Variants in NLRP4 observed in about 807,000 individuals in gnomAD.
The protein encoded by NLRP4 is NACHT, LRR and PYD domains-containing protein 4.
In NLRP4, 44 loss-of-function variants were observed where a neutral mutation model predicts 84.7. The ratio of observed to expected loss-of-function variants is 0.52; its 90% CI spans 0.41 to 0.67. NLRP4 has a LOEUF of 0.67. Ranked by LOEUF, NLRP4 falls within the 30% of genes least tolerant of loss-of-function variation. The pLI, the probability that NLRP4 is intolerant of heterozygous loss-of-function variation, is 0.00. For missense variants in NLRP4, 1,260 were observed against 1,219.4 expected (o/e 1.03, Z -0.50); for synonymous variants, 544 against 476.4 (o/e 1.14, Z -1.85).
rs373685132 is a variant in NLRP4 at position 55,867,821 on chromosome 19, G to A, written c.2299G>A (p.Val767Met). ...ATCCTGCAACCAGTTAGACACAGGC[G>A]TGCCCCTTTTGTGTGAAGCCCTGTG... The part of the protein sequence containing the change: ...NVSCNQLDTG[V>M]PLLCEALCSP... The change falls in exon 6 of 10, where the codon GTG becomes ATG. Residue 767 changes from valine to methionine, a missense_variant. This residue lies in a region of NLRP4 where 544 missense variants were observed against 531.7 expected (regional missense o/e 1.02). Transcript: ENST00000301295. 6.8e-6 allele frequency: 11 copies of A among 1,614,162 alleles called. No individual in the cohort carries two copies. The highest frequency in any genetic ancestry group is 2.2e-5 in the East Asian group (1 of 44,892).
chr19:55,857,869 T>C lies in NLRP4; in HGVS notation c.476T>C (p.Ile159Thr). 6.2e-7 allele frequency: 1 copy of C among 1,614,072 alleles called. No homozygotes were observed. The highest frequency in any genetic ancestry group is 1.3e-5 in the African/African-American group (1 of 75,018). Residue 159 changes from isoleucine (I) to threonine (T), a missense_variant, in exon 3 of 10, where the codon ATT (isoleucine) becomes ACT (threonine). By Grantham distance (89) the Ile-to-Thr change is moderately conservative. Transcript: ENST00000301295. ...GTGATCATTCAAGGACCACAAGGAATTGGAAAAACGACACTCCTGATGAAG... is the reference window on the plus strand; with the variant it reads ...GTGATCATTCAAGGACCACAAGGAACTGGAAAAACGACACTCCTGATGAAG... ...RTVIIQGPQG[I>T]GKTTLLMKLM...
intron 6 of NLRP4, among the ~76,000 whole-genome samples, 162 bp downstream of exon 6, chr19:55,868,038 A>G (rs982230060): frequency 1.3e-5 from 2 of 152,238 alleles, no homozygotes; most frequent in Non-Finnish European, 2.9e-5. Context: ...AGGATTTATC[A>G]CGTATATACT....
intron 6 of NLRP4, among the ~76,000 whole-genome samples, chr19:55,868,118 A>G (rs1224095406): frequency 6.6e-6 from 1 of 152,260 alleles, no homozygotes; most frequent in Non-Finnish European, 1.5e-5. Context: ...ATGGCTATCA[A>G]GTGAGACTGT....
At position 55,878,663 on chromosome 19, in the gene NLRP4, G is replaced by A. The variant is rs112200961; in HGVS notation, c.2697-131G>A. The A allele has an allele frequency of 3.8e-4, 264 of 701,964 alleles. 1 individual carries two copies. The highest frequency in any genetic ancestry group is 2.9e-3 in the African/African-American group (158 of 55,398). The allele number at this position is 701,964 out of a possible 1,614,324, so 43.5% of individuals were successfully genotyped here. On this transcript the variant is annotated intron_variant, in intron 8 of 9. Coordinates refer to ENST00000301295, the MANE Select transcript of NLRP4 (RefSeq NM_134444.5). ...ACCCACAGACGCGTGATCTGAGGTC[G>A]TAAACACTGGACTGTGAGAGATTGC...
At chr19:55,849,551 AAT>A (rs1983933608) in intron 1 of NLRP4, among the ~76,000 whole-genome samples, 1 of 152,080 alleles carries the variant, frequency 6.6e-6, no homozygotes, top group African/African-American at 2.4e-5. Context: ...GTCCCCACAT[AAT>A]AGAGTCAGAG....
intron 3 of NLRP4, among the ~76,000 whole-genome samples, chr19:55,859,953 CAAA>C (rs1171952787): frequency 8.9e-5 from 5 of 55,914 alleles, no homozygotes; most frequent in Admixed American, 2.5e-4. Context: ...AAAAAAAAAA[CAAA>C]ACACAAATCA....
chr19:55,851,827 T>G (rs1439541059), intron 1 of NLRP4, among the ~76,000 whole-genome samples, 189 bp from the exon 2 acceptor site: 1 of 152,194 alleles, frequency 6.6e-6, no homozygotes, highest in Non-Finnish European at 1.5e-5. Context: ...TCTTCTGGAT[T>G]ATTGTATCTC....
chr19:55,857,909 G>A lies in NLRP4; in HGVS notation c.516G>A (p.Trp172Ter). 6.2e-7 allele frequency: 1 copy of A among 1,614,184 alleles called. No individual in the cohort carries two copies. The highest frequency in any genetic ancestry group is 8.5e-7 in the Non-Finnish European group (1 of 1,180,034). The change falls in exon 3 of 10, where the codon TGG becomes TGA. Residue 172 changes from tryptophan (W) to a stop codon, truncating the protein, a stop_gained. Transcript: ENST00000301295. LOFTEE classifies it high-confidence loss of function. ...TCCTGATGAAGCTGATGATGGCCTG[G>A]TCGGACAACAAGATCTTTCGGGATA... ...TTLLMKLMMA[W>*]SDNKIFRDRF...
intron 1 of NLRP4, among the ~76,000 whole-genome samples, chr19:55,851,432 A>T (rs1179120746): frequency 2.4e-4 from 9 of 38,222 alleles, no homozygotes; most frequent in Non-Finnish European, 3.1e-4. Context: ...GTAATTTACG[A>T]GGCTGCGGTG....
At chr19:55,874,370 G>A (rs1454923109) in intron 7 of NLRP4, among the ~76,000 whole-genome samples, 1 of 152,050 alleles carries the variant, frequency 6.6e-6, no homozygotes, top group Non-Finnish European at 1.5e-5. Flanking sequence ...TCTAGATTCA[G>A]ACAAGCTACA....
At chr19:55,870,488 C>A (rs1168682716) in intron 6 of NLRP4, among the ~76,000 whole-genome samples, 2 of 152,272 alleles carry the variant, frequency 1.3e-5, no homozygotes, top group East Asian at 3.9e-4. Context: ...CATGGTGAAA[C>A]CCCGTCTCTA....
At chr19:55,837,384 A>G (rs1983379963) in intron 1 of NLRP4, among the ~76,000 whole-genome samples, 1 of 152,110 alleles carries the variant, frequency 6.6e-6, no homozygotes. Context: ...CTCGAAAATA[A>G]TAAGATATTA....
In NLRP4 at chr19:55,844,190, T is replaced by C. The variant is rs1362080635; in HGVS notation, c.-66+7256T>C. Among the ~76,000 whole-genome samples, 3 of 152,296 alleles carry C rather than the reference T, an allele frequency of 2.0e-5. No individual in the cohort carries two copies. In the East Asian group the frequency reaches 5.8e-4, roughly 29 times the overall value. On this transcript the variant is annotated intron_variant, in intron 1 of 9. Coordinates refer to ENST00000301295, the MANE Select transcript of NLRP4 (RefSeq NM_134444.5). The stretch of plus-strand genomic sequence containing the variant: ...TTATTCCTCTCTATTAACTTCTACT[T>C]GCTTTAGGTGTGCTTTGGTTAGTAA...
At position 55,852,162 on chromosome 19, in the gene NLRP4, G is replaced by C. The variant is rs1340178882; in HGVS notation, c.82G>C (p.Glu28Gln). 5.6e-6 allele frequency: 9 copies of C among 1,608,490 alleles called. No homozygotes were observed. The East Asian group carries it at 2.0e-4, about 36-fold the overall frequency. The change falls in exon 2 of 10, where the codon GAA becomes CAA. Residue 28 changes from glutamate to glutamine, a missense_variant. Physicochemically the swap from Glu to Gln is conservative, Grantham distance 29. Coordinates refer to ENST00000301295, the MANE Select transcript of NLRP4 (RefSeq NM_134444.5). ...AAAGGAGGAGTTCAGGAAATTTAAA[G>C]AACATCTCAAGCAAATGACTTTGCA... The part of the protein sequence containing the change: ...LKKEEFRKFK[E>Q]HLKQMTLQLE...
chr19:55,849,951 G>GT (rs5828653), intron 1 of NLRP4, among the ~76,000 whole-genome samples: 6,164 of 128,434 alleles, frequency 0.048, 825 homozygotes, highest in Non-Finnish European at 0.057. Context: ...TGTAATTTCC[G>GT]AGACTGCGGT....
intron 5 of NLRP4, among the ~76,000 whole-genome samples, chr19:55,867,222 CG>C (rs1175105458): frequency 6.8e-6 from 1 of 146,472 alleles, no homozygotes; most frequent in Non-Finnish European, 1.5e-5. Context: ...CTCTGTACCC[CG>C]GAGGCCATAA....
chr19:55,864,451 T>G (rs1276692554), intron 5 of NLRP4, among the ~76,000 whole-genome samples: 2 of 151,948 alleles, frequency 1.3e-5, no homozygotes, highest in Non-Finnish European at 2.9e-5. Context: ...TATTCCCCAT[T>G]TTGTTCTTCT....
At position 55,858,516 on chromosome 19, in the gene NLRP4, T is replaced by C. The variant is rs781587997; in HGVS notation, c.1123T>C (p.Phe375Leu). ...CQSTTSVYSS[F>L]VFNLFTPEGA... ...GAGCACTACCTCTGTGTACTCCTCT[T>C]TCGTCTTTAACCTGTTCACACCTGA... Residue 375 changes from phenylalanine (F) to leucine (L), a missense_variant, in exon 3 of 10, where the codon TTC becomes CTC. Physicochemically the swap from Phe to Leu is conservative, Grantham distance 22 (BLOSUM62 0). This residue lies in a region of NLRP4 where 712 missense variants were observed against 669.2 expected (regional missense o/e 1.06). Coordinates refer to ENST00000301295, the MANE Select transcript of NLRP4 (RefSeq NM_134444.5). This position sits in a 1 kb window ranked among gnomAD's most constrained non-coding sequence, Gnocchi z 4.2. 7 of 1,614,040 alleles carry C rather than the reference T, an allele frequency of 4.3e-6. No individual in the cohort carries two copies. The highest frequency in any genetic ancestry group is 8.5e-7 in the Non-Finnish European group (1 of 1,180,040).
Position 55,849,936 on chromosome 19 carries a change from C to T in NLRP4, c.-65-2080C>T, listed in dbSNP as rs113251537. 6.4e-3 allele frequency among the ~76,000 whole-genome samples: 526 copies of T among 81,754 alleles called. 14 individuals carry two copies. The highest frequency in any genetic ancestry group is 9.3e-3 in the Admixed American group (71 of 7,638). The allele number at this position is 81,754 out of a possible 152,430, so 53.6% of individuals were successfully genotyped here. On this transcript the variant is annotated intron_variant, in intron 1 of 9. Transcript: ENST00000301295. ...GTAGCCGCGGTGTAATTTCCGTAGC[C>T]GCGGTGTAATTTCCGAGACTGCGGT... is the stretch of plus-strand genomic sequence containing the variant.
Sources: allele counts gnomAD v4.1 joint callset (sites outside exome capture counted in the v4.1 genomes callset), GRCh38; gene constraint gnomAD v4.1.1; regional missense constraint gnomAD v4.1.1; non-coding constraint Gnocchi (gnomAD v3.1); transcripts MANE v1.5; gene names NCBI Gene and HGNC (gene_info 2026-07-23, HGNC 2026-07-21).